The following HBA2 variants were observed in gnomAD, a reference collection of about 807,000 sequenced individuals.
The protein encoded by HBA2 is hemoglobin subunit alpha.
A neutral mutation model predicts 5.6 loss-of-function variants in HBA2; 9 were observed. The ratio of observed to expected loss-of-function variants is 1.60; its 90% CI spans 0.97 to 2.80. The LOEUF (loss-of-function observed/expected upper bound fraction) is 2.80. Ranked by LOEUF, HBA2 falls within the 30% of genes most tolerant of loss-of-function variation. HBA2 has a pLI of 0.00. For synonymous variants in HBA2, 38 were observed against 73.4 expected (o/e 0.52, Z 2.47); for missense variants, 86 against 152.1 (o/e 0.57, Z 2.29).
rs766201223 is a variant in HBA2 at position 173,345 on chromosome 16, G to C, written c.300+16G>C. On this transcript the variant is annotated intron_variant, in intron 2 of 2. Transcript: ENST00000251595. ...CAACTTCAAGGTGAGCGGCGGGCCG[G>C]GAGCGATCTGGGTCGAGGGGCGAGA... 5.0e-6 allele frequency: 8 copies of C among 1,594,644 alleles called. 1 individual carries two copies. Among genetic ancestry groups the C allele is most frequent in the Non-Finnish European group, 2.5e-6 (3 of 1,176,764 alleles).
intron 1 of HBA2, 36 bp downstream of exon 1, chr16:173,043 C>A: frequency 2.1e-6 from 1 of 486,764 alleles, no homozygotes; most frequent in Non-Finnish European, 3.5e-6. Context: ...CCGGGCTCCT[C>A]GCCCGCCCGG....
rs765224625 is a variant in HBA2 at position 173,218 on chromosome 16, G to A, written c.189G>A (p.Val63=). Residue 63 remains valine, a synonymous_variant, in exon 2 of 3, where the codon GTG becomes GTA. Transcript: ENST00000251595. ...AGGTTAAGGGCCACGGCAAGAAGGT[G>A]GCCGACGCGCTGACCAACGCCGTGG... ...SAQVKGHGKK[V]ADALTNAVAH... is the part of the protein sequence containing the mutation. The A allele has an allele frequency of 1.6e-6, 2 of 1,221,068 alleles. No individual in the cohort carries two copies. Among genetic ancestry groups the A allele is most frequent in the South Asian group, 2.7e-5 (2 of 75,440 alleles). 75.6% of individuals were successfully genotyped at this position (1,221,068 alleles called of 1,614,324 possible). A position where few individuals can be genotyped will look rare whatever the true frequency, so the allele number is the denominator to read the frequency against.
chr16:173,671 G>T lies in HBA2; in HGVS notation c.*71G>T, dbSNP rs1902067974. The stretch of plus-strand genomic sequence containing the variant: ...CGGGCCCTCCTCCCCTCCTTGCACC[G>T]GCCCTTCCTGGTCTTTGAATAAAGT... On this transcript the variant is annotated 3_prime_UTR_variant, in exon 3 of 3. Transcript: ENST00000251595. 3 of 1,582,016 alleles carry T rather than the reference G, an allele frequency of 1.9e-6. No individual in the cohort carries two copies. The South Asian group carries it at 3.4e-5, about 18-fold the overall frequency.
In HBA2 at chr16:173,500, T is replaced by C. The variant is rs41479844; in HGVS notation, c.329T>C (p.Leu110Pro). 1.2e-6 allele frequency: 2 copies of C among 1,606,358 alleles called. No homozygotes were observed. Among genetic ancestry groups the C allele is most frequent in the Non-Finnish European group, 8.5e-7 (1 of 1,179,862 alleles). ...CTAAGCCACTGCCTGCTGGTGACCCTGGCCGCCCACCTCCCCGCCGAGTTC... is the reference window on the plus strand; with the variant it reads ...CTAAGCCACTGCCTGCTGGTGACCCCGGCCGCCCACCTCCCCGCCGAGTTC... ...KLLSHCLLVTLAAHLPAEFTP... is the reference protein window; with the variant it reads ...KLLSHCLLVTPAAHLPAEFTP... The change falls in exon 3 of 3, where the codon CTG (leucine) becomes CCG (proline). Residue 110 changes from leucine to proline, a missense_variant. Coordinates refer to ENST00000251595, the MANE Select transcript of HBA2 (RefSeq NM_000517.6).
Position 173,656 on chromosome 16 carries a change from T to G in HBA2, c.*56T>G. The stretch of plus-strand genomic sequence containing the variant: ...CGCTGGGCCTCCCAACGGGCCCTCC[T>G]CCCCTCCTTGCACCGGCCCTTCCTG... On this transcript the variant is annotated 3_prime_UTR_variant, in exon 3 of 3. Coordinates refer to ENST00000251595, the MANE Select transcript of HBA2 (RefSeq NM_000517.6). The G allele has an allele frequency of 6.2e-7, 1 of 1,600,384 alleles. No individual in the cohort carries two copies. The highest frequency in any genetic ancestry group is 1.1e-5 in the South Asian group (1 of 89,054).
In HBA2 at chr16:173,642, C is replaced by T; in HGVS notation, c.*42C>T. 6.2e-7 allele frequency: 1 copy of T among 1,606,498 alleles called. No homozygotes were observed. The highest frequency in any genetic ancestry group is 8.5e-7 in the Non-Finnish European group (1 of 1,178,852). ...CCGTTCCTCCTGCCCGCTGGGCCTC[C>T]CAACGGGCCCTCCTCCCCTCCTTGC... is the stretch of plus-strand genomic sequence containing the variant. On this transcript the variant is annotated 3_prime_UTR_variant, in exon 3 of 3. Coordinates refer to ENST00000251595, the MANE Select transcript of HBA2 (RefSeq NM_000517.6).
chr16:172,978 T>C lies in HBA2; in HGVS notation c.66T>C (p.Ala22=). The C allele has an allele frequency of 2.4e-6, 1 of 420,618 alleles. No homozygotes were observed. Among genetic ancestry groups the C allele is most frequent in the Non-Finnish European group, 4.0e-6 (1 of 251,442 alleles). The allele number at this position is 420,618 out of a possible 1,614,324, so 26.1% of individuals were successfully genotyped here. A position where few individuals can be genotyped will look rare whatever the true frequency, so the allele number is the denominator to read the frequency against. ...CCTGGGGTAAGGTCGGCGCGCACGC[T>C]GGCGAGTATGGTGCGGAGGCCCTGG... ...KAAWGKVGAH[A]GEYGAEALER... Residue 22 remains alanine, a synonymous_variant, in exon 1 of 3, where the codon GCT becomes GCC. Coordinates refer to ENST00000251595, the MANE Select transcript of HBA2 (RefSeq NM_000517.6).
intron 1 of HBA2, 35 bp from the exon 2 acceptor site, chr16:173,090 C>T: frequency 1.8e-6 from 1 of 562,376 alleles, no homozygotes; most frequent in South Asian, 1.9e-5. Flanking sequence ...GGCCCCGGAC[C>T]CAAACCCCAC....
rs4021972 is a variant in HBA2, at chr16:173,645, A to G, written c.*45A>G. ...TTCCTCCTGCCCGCTGGGCCTCCCAACGGGCCCTCCTCCCCTCCTTGCACC... is the reference window on the plus strand; with the variant it reads ...TTCCTCCTGCCCGCTGGGCCTCCCAGCGGGCCCTCCTCCCCTCCTTGCACC... On this transcript the variant is annotated 3_prime_UTR_variant, in exon 3 of 3. Transcript: ENST00000251595. The G allele has an allele frequency of 8.1e-6, 13 of 1,604,386 alleles. No homozygotes were observed. Among genetic ancestry groups the G allele is most frequent in the Non-Finnish European group, 1.0e-5 (12 of 1,177,474 alleles).
rs2885588 is a variant in HBA2, at chr16:173,623, C to T, written c.*23C>T. ...TAAGCTGGAGCCTCGGTAGCCGTTC[C>T]TCCTGCCCGCTGGGCCTCCCAACGG... On this transcript the variant is annotated 3_prime_UTR_variant, in exon 3 of 3. Transcript: ENST00000251595. 6 of 1,608,334 alleles carry T rather than the reference C, an allele frequency of 3.7e-6. No homozygotes were observed. Among genetic ancestry groups the T allele is most frequent in the Non-Finnish European group, 5.1e-6 (6 of 1,179,848 alleles).
intron 2 of HBA2, 31 bp from the exon 3 acceptor site, chr16:173,441 C>T (rs1466371898): frequency 1.2e-6 from 2 of 1,604,418 alleles, no homozygotes; most frequent in Non-Finnish European, 1.7e-6. Context: ...GGCTGCGGGC[C>T]TGGGCCGCAC....
At chr16:173,439 G>C (rs1381209839) in intron 2 of HBA2, 33 bp from the exon 3 acceptor site, 1 of 1,603,870 alleles carries the variant, frequency 6.2e-7, no homozygotes, top group Non-Finnish European at 8.5e-7. Flanking sequence ...GCGGCTGCGG[G>C]CCTGGGCCGC....
Position 173,663 on chromosome 16 carries a change from C to A in HBA2, c.*63C>A. The A allele has an allele frequency of 6.3e-7, 1 of 1,594,446 alleles. No homozygotes were observed. The highest frequency in any genetic ancestry group is 8.5e-7 in the Non-Finnish European group (1 of 1,170,762). ...CCTCCCAACGGGCCCTCCTCCCCTC[C>A]TTGCACCGGCCCTTCCTGGTCTTTG... On this transcript the variant is annotated 3_prime_UTR_variant, in exon 3 of 3. Transcript: ENST00000251595.
rs758233634 is a variant in HBA2 at position 173,272 on chromosome 16, G to A, written c.243G>A (p.Leu81=). Residue 81 remains leucine (L), a synonymous_variant, in exon 2 of 3, where the codon CTG becomes CTA. Coordinates refer to ENST00000251595, the MANE Select transcript of HBA2 (RefSeq NM_000517.6). ...VAHVDDMPNA[L]SALSDLHAHK... ...ACGTGGACGACATGCCCAACGCGCT[G>A]TCCGCCCTGAGCGACCTGCACGCGC... 1.3e-6 allele frequency: 2 copies of A among 1,508,264 alleles called. No individual in the cohort carries two copies. The highest frequency in any genetic ancestry group is 4.8e-5 in the East Asian group (2 of 42,096). 93.4% of individuals were successfully genotyped at this position (1,508,264 alleles called of 1,614,324 possible).
At chr16:173,083 C>G (rs1328255996) in intron 1 of HBA2, 42 bp from the exon 2 acceptor site, 8 of 546,068 alleles carry the variant, frequency 1.5e-5, no homozygotes, top group Admixed American at 2.9e-5. Flanking sequence ...CCGTCCTGGC[C>G]CCGGACCCAA....
rs1213128257 is a variant in HBA2 at position 173,534 on chromosome 16, G to A, written c.363G>A (p.Ala121=). The change falls in exon 3 of 3, where the codon GCG becomes GCA. Residue 121 remains alanine, a synonymous_variant. Transcript: ENST00000251595. Reference sequence around the variant, plus strand: ...ACCTCCCCGCCGAGTTCACCCCTGCGGTGCACGCCTCCCTGGACAAGTTCC... The same window carrying A: ...ACCTCCCCGCCGAGTTCACCCCTGCAGTGCACGCCTCCCTGGACAAGTTCC... ...AAHLPAEFTP[A]VHASLDKFLA... 1.9e-6 allele frequency: 3 copies of A among 1,607,156 alleles called. No individual in the cohort carries two copies. The highest frequency in any genetic ancestry group is 2.5e-6 in the Non-Finnish European group (3 of 1,179,736).
rs41400445 is a variant in HBA2 at position 173,260 on chromosome 16, G to A, written c.231G>A (p.Met77Ile). ...ACGCCGTGGCGCACGTGGACGACAT[G>A]CCCAACGCGCTGTCCGCCCTGAGCG... ...LTNAVAHVDDMPNALSALSDL... is the reference protein window; with the variant it reads ...LTNAVAHVDDIPNALSALSDL... The change falls in exon 2 of 3, where the codon ATG becomes ATA. Residue 77 changes from methionine to isoleucine, a missense_variant. By Grantham distance (10) the Met-to-Ile change is conservative. Transcript: ENST00000251595. 6.8e-7 allele frequency: 1 copy of A among 1,478,234 alleles called. No homozygotes were observed. Among genetic ancestry groups the A allele is most frequent in the Non-Finnish European group, 9.0e-7 (1 of 1,108,150 alleles). The allele number at this position is 1,478,234 out of a possible 1,614,324, so 91.6% of individuals were successfully genotyped here. A position where few individuals can be genotyped will look rare whatever the true frequency, so the allele number is the denominator to read the frequency against.
intron 2 of HBA2, 40 bp from the exon 3 acceptor site, chr16:173,432 G>T (rs748668886): frequency 2.5e-6 from 4 of 1,604,572 alleles, no homozygotes; most frequent in Non-Finnish European, 3.4e-6. Flanking sequence ...GCAGGCGGCG[G>T]CTGCGGGCCT....
Position 173,565 on chromosome 16 carries a change from T to A in HBA2, c.394T>A (p.Ser132Thr). The A allele has an allele frequency of 6.2e-7, 1 of 1,608,096 alleles. No homozygotes were observed. Among genetic ancestry groups the A allele is most frequent in the Non-Finnish European group, 8.5e-7 (1 of 1,179,900 alleles). ...VHASLDKFLA[S>T]VSTVLTSKYR The stretch of plus-strand genomic sequence containing the variant: ...CGCCTCCCTGGACAAGTTCCTGGCT[T>A]CTGTGAGCACCGTGCTGACCTCCAA... The change falls in exon 3 of 3, where the codon TCT (serine) becomes ACT (threonine). Residue 132 changes from serine (S) to threonine (T), a missense_variant. This residue lies in a region of HBA2 where 44 missense variants were observed against 54.8 expected (regional missense o/e 0.80). Transcript: ENST00000251595.
Sources: gnomAD v4.1 joint callset for allele counts on GRCh38, gnomAD v4.1.1 for gene constraint, gnomAD v4.1.1 regional missense constraint, MANE v1.5 for transcripts, NCBI Gene and HGNC (gene_info 2026-07-23, HGNC 2026-07-21) for gene names.